Variants in MACROD2 observed in about 807,000 individuals in gnomAD.
The protein encoded by MACROD2 is mono-ADP ribosylhydrolase 2.
MACROD2 carries 36 observed loss-of-function variants against 70.4 expected under a neutral mutation model. The ratio of observed to expected loss-of-function variants is 0.51; its 90% CI spans 0.39 to 0.68. The LOEUF (loss-of-function observed/expected upper bound fraction) is 0.68. MACROD2 is among the 30% of genes least tolerant of loss of function. MACROD2 has a pLI of 0.00. For synonymous variants in MACROD2, 172 were observed against 178.8 expected, an observed-to-expected ratio of 0.96 and a Z score of 0.30; for missense variants, 496 against 538.4, an observed-to-expected ratio of 0.92 and a Z score of 0.78.
intron 4 of MACROD2, among the ~76,000 whole-genome samples, chr20:14,550,175 G>A (rs557564524): frequency 3.0e-4 from 46 of 151,880 alleles, no homozygotes; most frequent in Admixed American, 5.2e-4. Context: ...CGCCTGCCTC[G>A]GCTTCCCAAA....
chr20:15,216,667 A>G (rs1431451891), intron 5 of MACROD2, among the ~76,000 whole-genome samples: 3 of 152,168 alleles, frequency 2.0e-5, no homozygotes, highest in South Asian at 4.1e-4. Flanking sequence ...TTCGACCCTC[A>G]CGACGGTAAG....
intron 7 of MACROD2, among the ~76,000 whole-genome samples, chr20:15,454,635 A>G (rs2046695380): frequency 6.6e-6 from 1 of 152,096 alleles, no homozygotes; most frequent in Non-Finnish European, 1.5e-5. Context: ...ACAGCCTAAC[A>G]TTCCAGGCCA....
chr20:15,308,333 C>A (rs759419522), intron 6 of MACROD2, among the ~76,000 whole-genome samples: 8 of 151,940 alleles, frequency 5.3e-5, no homozygotes, highest in Non-Finnish European at 1.0e-4. Flanking sequence ...ACTTACAAAG[C>A]GCTTACTGAA....
intron 5 of MACROD2, among the ~76,000 whole-genome samples, chr20:15,141,519 A>C (rs1421836416): frequency 3.9e-5 from 6 of 152,160 alleles, no homozygotes; most frequent in Non-Finnish European, 8.8e-5. Context: ...CTGCCCTTAA[A>C]TTGGGGCTGG....
At chr20:15,573,468 C>T (rs2048402697) in intron 8 of MACROD2, among the ~76,000 whole-genome samples, 1 of 152,090 alleles carries the variant, frequency 6.6e-6, no homozygotes. Flanking sequence ...TCTCTAGTTT[C>T]CTTTCCTTAG....
In MACROD2 at chr20:15,406,047, G is replaced by A. The variant is rs554823213; in HGVS notation, c.541-25358G>A. On this transcript the variant is annotated intron_variant, in intron 6 of 17. Coordinates refer to ENST00000684519, the MANE Select transcript of MACROD2 (RefSeq NM_001351661.2). ...ACCCAGCTACCCAAAGACATACGCC[G>A]TTAGGGACTTCCGAGAGGAGAGGTT... Among the ~76,000 whole-genome samples, 80 of 152,252 alleles carry A rather than the reference G, an allele frequency of 5.3e-4. No homozygotes were observed. In the South Asian group the frequency reaches 7.5e-3, roughly 14 times the overall value.
intron 3 of MACROD2, among the ~76,000 whole-genome samples, chr20:14,382,531 G>C (rs2083432160): frequency 6.6e-6 from 1 of 151,934 alleles, no homozygotes; most frequent in Admixed American, 6.5e-5. Flanking sequence ...AGCGGGGCGT[G>C]GTGGTTCATG....
chr20:14,891,253 C>T (rs2073756414), intron 5 of MACROD2, among the ~76,000 whole-genome samples: 1 of 152,056 alleles, frequency 6.6e-6, no homozygotes, highest in Non-Finnish European at 1.5e-5. Flanking sequence ...CCTGAGATTT[C>T]ACTTGGGAAT....
At chr20:15,822,460 T>C (rs564374186) in intron 8 of MACROD2, among the ~76,000 whole-genome samples, 206 of 152,314 alleles carry the variant, frequency 1.4e-3, no homozygotes, top group African/African-American at 4.6e-3. Flanking sequence ...AGTCATAACT[T>C]AATTACATTT....
chr20:15,925,277 G>A (rs1464840509), intron 10 of MACROD2, among the ~76,000 whole-genome samples: 2 of 152,172 alleles, frequency 1.3e-5, no homozygotes, highest in South Asian at 2.1e-4. Context: ...ACAGCCACAT[G>A]AATATATTTC....
chr20:15,282,024 A>G (rs2077449945), intron 6 of MACROD2, among the ~76,000 whole-genome samples: 1 of 152,182 alleles, frequency 6.6e-6, no homozygotes, highest in East Asian at 1.9e-4. Flanking sequence ...GCTTCCAACC[A>G]AGGCTTGGGG....
intron 5 of MACROD2, among the ~76,000 whole-genome samples, chr20:14,932,861 C>G (rs1198990660): frequency 2.0e-5 from 3 of 152,078 alleles, no homozygotes; most frequent in Non-Finnish European, 4.4e-5. Flanking sequence ...CCACGGCGCC[C>G]AGCAAACTCA....
At chr20:15,663,082 C>T (rs2049844466) in intron 8 of MACROD2, among the ~76,000 whole-genome samples, 1 of 152,078 alleles carries the variant, frequency 6.6e-6, no homozygotes, top group Non-Finnish European at 1.5e-5. Context: ...GGCTGTAAGA[C>T]AAACCAGCCA....
intron 2 of MACROD2, among the ~76,000 whole-genome samples, chr20:14,033,255 T>G (rs1253319021): frequency 6.6e-6 from 1 of 152,104 alleles, no homozygotes; most frequent in African/African-American, 2.4e-5. Context: ...TGTAGAAATC[T>G]TTTTCTAGAT....
intron 8 of MACROD2, among the ~76,000 whole-genome samples, chr20:15,676,852 G>A (rs571114936): frequency 1.1e-4 from 16 of 152,212 alleles, no homozygotes; most frequent in African/African-American, 3.9e-4. Context: ...CTATTGAATG[G>A]CAAGCTCTAA....
intron 6 of MACROD2, among the ~76,000 whole-genome samples, chr20:15,273,625 G>T (rs988408359): frequency 6.6e-6 from 1 of 152,076 alleles, no homozygotes; most frequent in African/African-American, 2.4e-5. Context: ...GTTTTCTTCT[G>T]AAGGCCTACA....
At chr20:15,925,680 A>G (rs1349833277) in intron 10 of MACROD2, among the ~76,000 whole-genome samples, 2 of 152,168 alleles carry the variant, frequency 1.3e-5, no homozygotes, top group East Asian at 1.9e-4. Context: ...CCATTACACA[A>G]CACATATGGA....
chr20:15,137,485 C>A (rs1028271604), intron 5 of MACROD2, among the ~76,000 whole-genome samples: 1 of 143,622 alleles, frequency 7.0e-6, no homozygotes, highest in African/African-American at 2.7e-5. Flanking sequence ...CGCATGTTCT[C>A]ACTCATAGGT....
chr20:15,152,517 G>A (rs2076278413), intron 5 of MACROD2, among the ~76,000 whole-genome samples: 1 of 151,948 alleles, frequency 6.6e-6, no homozygotes, highest in African/African-American at 2.4e-5. Context: ...TAAGGGATCG[G>A]GGCACAGAGA....
Sources: allele counts gnomAD v4.1 joint callset (sites outside exome capture counted in the v4.1 genomes callset), GRCh38; gene constraint gnomAD v4.1.1; transcripts MANE v1.5; gene names NCBI Gene and HGNC (gene_info 2026-07-23, HGNC 2026-07-21).